SDK1: variants seen among roughly 807,000 people sequenced by gnomAD.
SDK1 encodes protein sidekick-1.
SDK1 carries 157 observed loss-of-function variants against 245.5 expected under a neutral mutation model. That is an observed-to-expected ratio of 0.64 (90% CI 0.56 to 0.73). The LOEUF (loss-of-function observed/expected upper bound fraction) is 0.73, where lower values mean the gene tolerates loss of function less well. SDK1 is among the 30% of genes least tolerant of loss of function. The probability of loss-of-function intolerance (pLI) is 0.00; values close to 1 mark genes in which losing one functional copy is unlikely to be tolerated. For missense variants in SDK1, 3,583 were observed against 3,002.3 expected, an observed-to-expected ratio of 1.19 and a Z score of -4.52; for synonymous variants, 1,647 against 1,278.5, an observed-to-expected ratio of 1.29 and a Z score of -6.15.
chr7:3,616,096 C>T (rs904329270), intron 1 of SDK1, among the ~76,000 whole-genome samples: 1 of 152,064 alleles, frequency 6.6e-6, no homozygotes, highest in Non-Finnish European at 1.5e-5. Context: ...CTGTGTTGTC[C>T]AAGCTGGTCT....
intron 5 of SDK1, among the ~76,000 whole-genome samples, chr7:3,847,510 G>A (rs1456384843): frequency 6.6e-6 from 1 of 152,222 alleles, no homozygotes; most frequent in Non-Finnish European, 1.5e-5. Context: ...GTGACAGAAG[G>A]AGGATTGGAA....
At chr7:3,715,584 C>A (rs1785176943) in intron 4 of SDK1, among the ~76,000 whole-genome samples, 1 of 152,150 alleles carries the variant, frequency 6.6e-6, no homozygotes, top group Non-Finnish European at 1.5e-5. Context: ...ACAAAGGAGA[C>A]CAGGACAGCT....
rs73673223 is a variant in SDK1, at chr7:4,002,668, A to G, written c.2132-8298A>G. 7.0e-3 allele frequency among the ~76,000 whole-genome samples: 1,066 copies of G among 152,276 alleles called. 10 individuals are homozygous for G. Among genetic ancestry groups the G allele is most frequent in the African/African-American group, 0.024 (1,006 of 41,552 alleles). On this transcript the variant is annotated intron_variant, in intron 14 of 44. Coordinates refer to ENST00000404826, the MANE Select transcript of SDK1 (RefSeq NM_152744.4). The stretch of plus-strand genomic sequence containing the variant: ...ATAAATAATGTACATACACAAACAT[A>G]TATATACACAAATACATATACACAC...
At chr7:3,934,273 C>A (rs1485776968) in intron 5 of SDK1, among the ~76,000 whole-genome samples, 1 of 152,196 alleles carries the variant, frequency 6.6e-6, no homozygotes, top group Non-Finnish European at 1.5e-5. Context: ...TATTTATCTC[C>A]TTTTTTCTTT....
At chr7:3,896,643 T>G (rs1211426692) in intron 5 of SDK1, among the ~76,000 whole-genome samples, 1 of 152,174 alleles carries the variant, frequency 6.6e-6, no homozygotes, top group Non-Finnish European at 1.5e-5. Context: ...GACACTCTTT[T>G]GTTTTCCTTC....
chr7:3,804,649 A>T (rs1779194876), intron 4 of SDK1, among the ~76,000 whole-genome samples: 1 of 152,224 alleles, frequency 6.6e-6, no homozygotes, highest in Admixed American at 6.5e-5. Context: ...GCCTGTTCGG[A>T]CAAAACCAGT....
At chr7:4,197,936 A>G (rs1783676745) in intron 35 of SDK1, among the ~76,000 whole-genome samples, 1 of 152,230 alleles carries the variant, frequency 6.6e-6, no homozygotes, top group African/African-American at 2.4e-5. Context: ...TCAGGTGAGA[A>G]AAAGCAAAGT....
At chr7:4,006,765 T>G (rs958180760) in intron 14 of SDK1, among the ~76,000 whole-genome samples, 3 of 151,842 alleles carry the variant, frequency 2.0e-5, no homozygotes, top group Admixed American at 1.3e-4. Context: ...GGCCCCGAGA[T>G]GCAGAGGTAA....
At chr7:4,097,250 A>G (rs1040991219) in intron 22 of SDK1, among the ~76,000 whole-genome samples, 1 of 90,456 alleles carries the variant, frequency 1.1e-5, no homozygotes, top group Non-Finnish European at 2.2e-5. Flanking sequence ...CTGGGTCAGG[A>G]AGCAGACAGC....
intron 4 of SDK1, among the ~76,000 whole-genome samples, chr7:3,659,930 C>G (rs1480717196): frequency 6.6e-6 from 1 of 152,058 alleles, no homozygotes; most frequent in Admixed American, 6.5e-5. Context: ...GATTAGAGCC[C>G]TTGGGGGAAT....
chr7:3,546,149 A>T lies in SDK1; in HGVS notation c.299-72931A>T, dbSNP rs188893767. Reference sequence around the variant, plus strand: ...CTGGGGCCCCACTCCCAGAGTGTGCATTTCAGGTGGTCTGGGGTGGGGCCT... The same window carrying T: ...CTGGGGCCCCACTCCCAGAGTGTGCTTTTCAGGTGGTCTGGGGTGGGGCCT... On this transcript the variant is annotated intron_variant, in intron 1 of 44. Coordinates refer to ENST00000404826, the MANE Select transcript of SDK1 (RefSeq NM_152744.4). Among the ~76,000 whole-genome samples, 26 of 152,252 alleles carry T rather than the reference A, an allele frequency of 1.7e-4. No homozygotes were observed. The East Asian group carries it at 5.0e-3, about 29-fold the overall frequency.
intron 5 of SDK1, among the ~76,000 whole-genome samples, chr7:3,863,345 C>G (rs1419375167): frequency 6.6e-6 from 1 of 152,226 alleles, no homozygotes; most frequent in African/African-American, 2.4e-5. Context: ...AGCATTTCCA[C>G]TGATGCCTTA....
At chr7:3,477,189 C>CTTTTTTTTTTTTTTTTTTT (rs35328849) in intron 1 of SDK1, among the ~76,000 whole-genome samples, 1 of 78,626 alleles carries the variant, frequency 1.3e-5, no homozygotes, top group Admixed American at 1.8e-4. Flanking sequence ...TGGTTTTCTC[C>CTTTTTTTTTTTTTTTTTTT]TTTTTTTTTT....
chr7:3,660,947 G>A (rs1038324359), intron 4 of SDK1, among the ~76,000 whole-genome samples: 1 of 152,288 alleles, frequency 6.6e-6, no homozygotes, highest in Non-Finnish European at 1.5e-5. Context: ...AATAGTCAGG[G>A]TCTGTAGTTT....
chr7:3,595,928 G>A (rs577188365), intron 1 of SDK1, among the ~76,000 whole-genome samples: 28 of 148,026 alleles, frequency 1.9e-4, no homozygotes, highest in Non-Finnish European at 2.4e-4. Flanking sequence ...ACTCTGGCTC[G>A]GTGTTTTAAC....
intron 1 of SDK1, among the ~76,000 whole-genome samples, chr7:3,368,487 G>C (rs1289636981): frequency 1.3e-5 from 2 of 152,196 alleles, no homozygotes; most frequent in Non-Finnish European, 2.9e-5. Flanking sequence ...TCAGTATGGA[G>C]TAGGGGGATG....
chr7:4,048,537 C>T (rs546235024), intron 17 of SDK1, among the ~76,000 whole-genome samples: 2 of 151,994 alleles, frequency 1.3e-5, no homozygotes, highest in African/African-American at 4.8e-5. Flanking sequence ...GGCTCCTTGG[C>T]AACATTTTGC....
chr7:3,493,509 T>C (rs1047925694), intron 1 of SDK1, among the ~76,000 whole-genome samples: 1 of 152,180 alleles, frequency 6.6e-6, no homozygotes, highest in Non-Finnish European at 1.5e-5. Flanking sequence ...TGTTTTTAAT[T>C]TACATATATT....
intron 5 of SDK1, among the ~76,000 whole-genome samples, chr7:3,853,284 G>A (rs1264238706): frequency 1.3e-5 from 2 of 152,128 alleles, no homozygotes; most frequent in African/African-American, 4.8e-5. Context: ...GTGGATTCTG[G>A]AGTTCATTTA....
Sources: allele counts gnomAD v4.1 joint callset (sites outside exome capture counted in the v4.1 genomes callset), GRCh38; gene constraint gnomAD v4.1.1; transcripts MANE v1.5; gene names NCBI Gene and HGNC (gene_info 2026-07-23, HGNC 2026-07-21).